The following TCEANC2 variants were observed in gnomAD, a reference collection of about 807,000 sequenced individuals.
TCEANC2 encodes transcription elongation factor A N-terminal and central domain-containing protein 2.
A neutral mutation model predicts 22.8 loss-of-function variants in TCEANC2; 20 were observed. The observed-to-expected ratio is 0.88, with a 90% CI of 0.62 to 1.28. The LOEUF is 1.28. TCEANC2 is among the 50% of genes most tolerant of loss of function. The pLI, the probability that TCEANC2 is intolerant of heterozygous loss-of-function variation, is 0.00. For missense variants in TCEANC2, 251 were observed against 249.7 expected (o/e 1.01, Z -0.03); for synonymous variants, 84 against 95.5 (o/e 0.88, Z 0.70).
intron 3 of TCEANC2, among the ~76,000 whole-genome samples, chr1:54,075,245 T>G (rs1390560128): frequency 6.6e-6 from 1 of 152,224 alleles, no homozygotes; most frequent in African/African-American, 2.4e-5. Context: ...TAATAATGAT[T>G]GACGTGAAAA....
chr1:54,087,794 C>T (rs996162998), intron 3 of TCEANC2, among the ~76,000 whole-genome samples: 5 of 152,186 alleles, frequency 3.3e-5, no homozygotes, highest in African/African-American at 1.2e-4. Flanking sequence ...AAATCACTGA[C>T]TGTGGAAGAA....
intron 4 of TCEANC2, among the ~76,000 whole-genome samples, chr1:54,093,146 A>G (rs7528941): frequency 0.085 from 13,017 of 152,266 alleles, 1,284 homozygotes; most frequent in African/African-American, 0.24. Flanking sequence ...CGTGAGAGAT[A>G]CAGAGAAAGG....
At chr1:54,095,067 C>T (rs1338666324) in intron 4 of TCEANC2, among the ~76,000 whole-genome samples, 1 of 152,164 alleles carries the variant, frequency 6.6e-6, no homozygotes, top group Non-Finnish European at 1.5e-5. Flanking sequence ...ATCACTTGAG[C>T]CCATGAGTTT....
At chr1:54,094,394 G>A (rs563083571) in intron 4 of TCEANC2, among the ~76,000 whole-genome samples, 15 of 152,230 alleles carry the variant, frequency 9.9e-5, no homozygotes, top group African/African-American at 3.6e-4. Context: ...TTGCACAGAA[G>A]AACAAACATA....
At chr1:54,095,112 T>A (rs1480566887) in intron 4 of TCEANC2, among the ~76,000 whole-genome samples, 9 of 152,190 alleles carry the variant, frequency 5.9e-5, no homozygotes, top group Non-Finnish European at 1.2e-4. Flanking sequence ...ACCACTGCAC[T>A]CCAGCCCAGG....
rs145978716 is a variant in TCEANC2, at chr1:54,071,371, T to C, written c.244+2474T>C. 4.9e-3 allele frequency among the ~76,000 whole-genome samples: 741 copies of C among 152,310 alleles called. 10 individuals carry two copies. Among genetic ancestry groups the C allele is most frequent in the Non-Finnish European group, 3.5e-3 (238 of 68,032 alleles). ...AAGCTGCTGGCTGGGGTTGCAGTCA[T>C]CTGAAGGCTGGACCAGGGCTTAAGG... On this transcript the variant is annotated intron_variant, in intron 3 of 4. Transcript: ENST00000234827.
Position 54,096,711 on chromosome 1 carries a change from GGAA to G in TCEANC2, c.*240_*242del. On this transcript the variant is annotated 3_prime_UTR_variant, in exon 5 of 5. Transcript: ENST00000234827. This position sits in a 1 kb window ranked among gnomAD's most constrained non-coding sequence, Gnocchi z 4.9. ...ACAGAACGCACACTGGCTGTCACTAGGAAGCGCCATACGGTTGCTATCACCCAA... is the reference window on the plus strand; with the variant it reads ...ACAGAACGCACACTGGCTGTCACTAGGCGCCATACGGTTGCTATCACCCAA... The G allele has an allele frequency of 8.1e-7, 1 of 1,228,860 alleles. No homozygotes were observed. Among genetic ancestry groups the G allele is most frequent in the Non-Finnish European group, 1.0e-6 (1 of 969,560 alleles). 76.1% of individuals were successfully genotyped at this position (1,228,860 alleles called of 1,614,324 possible). A position where few individuals can be genotyped will look rare whatever the true frequency, so the allele number is the denominator to read the frequency against.
chr1:54,067,605 C>G (rs1657982205), intron 2 of TCEANC2, among the ~76,000 whole-genome samples: 1 of 152,138 alleles, frequency 6.6e-6, no homozygotes, highest in Non-Finnish European at 1.5e-5. Context: ...GAAACCAAAC[C>G]AAACAAGTGG....
In TCEANC2 at chr1:54,100,525, T is replaced by C. The variant is rs1026989635; in HGVS notation, c.*4052T>C. ...TTGAGAAGATGGGGAAAGGAATGAA[T>C]AACACCACTCAGAGGAAGAATCTTC... On this transcript the variant is annotated 3_prime_UTR_variant, in exon 5 of 5. Coordinates refer to ENST00000234827, the MANE Select transcript of TCEANC2 (RefSeq NM_153035.3). 2 of 152,216 alleles carry C rather than the reference T, an allele frequency of 1.3e-5. No individual in the cohort carries two copies. Among genetic ancestry groups the C allele is most frequent in the African/African-American group, 4.8e-5 (2 of 41,448 alleles). 9.4% of individuals were successfully genotyped at this position (152,216 alleles called of 1,614,324 possible). A position where few individuals can be genotyped will look rare whatever the true frequency, so the allele number is the denominator to read the frequency against.
At chr1:54,058,602 C>G (rs948969746) in intron 2 of TCEANC2, among the ~76,000 whole-genome samples, 4 of 152,146 alleles carry the variant, frequency 2.6e-5, no homozygotes, top group African/African-American at 9.7e-5. Flanking sequence ...TACCTTGTAG[C>G]CCCTGCTTTA....
In TCEANC2 at chr1:54,097,584, A is replaced by C. The variant is rs1342775547; in HGVS notation, c.*1111A>C. 6.6e-6 allele frequency: 1 copy of C among 152,250 alleles called. No homozygotes were observed. Among genetic ancestry groups the C allele is most frequent in the Non-Finnish European group, 1.5e-5 (1 of 68,042 alleles). The allele number at this position is 152,250 out of a possible 1,614,324, so 9.4% of individuals were successfully genotyped here. A position where few individuals can be genotyped will look rare whatever the true frequency, so the allele number is the denominator to read the frequency against. ...GACTAACATTATTGCCTACCTTCTA[A>C]ATACTAGGCACTTTTCCTAAGACAG... On this transcript the variant is annotated 3_prime_UTR_variant, in exon 5 of 5. Coordinates refer to ENST00000234827, the MANE Select transcript of TCEANC2 (RefSeq NM_153035.3).
chr1:54,086,201 C>T (rs1430414277), intron 3 of TCEANC2, among the ~76,000 whole-genome samples: 1 of 152,134 alleles, frequency 6.6e-6, no homozygotes, highest in Non-Finnish European at 1.5e-5. Flanking sequence ...TCTCCTGCCA[C>T]GATGCTCACT....
intron 3 of TCEANC2, among the ~76,000 whole-genome samples, chr1:54,087,697 C>T (rs898655022): frequency 6.6e-6 from 1 of 152,156 alleles, no homozygotes; most frequent in Non-Finnish European, 1.5e-5. Flanking sequence ...GTAGTTTGTA[C>T]TCAAGAGATT....
At chr1:54,054,057 A>G in intron 1 of TCEANC2, 2 of 321,242 alleles carry the variant, frequency 6.2e-6, no homozygotes, top group Non-Finnish European at 1.1e-5. Flanking sequence ...TTCACAGCCC[A>G]ATCTTATTTG....
intron 2 of TCEANC2, among the ~76,000 whole-genome samples, chr1:54,058,320 C>G (rs1657790570): frequency 6.6e-6 from 1 of 152,334 alleles, no homozygotes; most frequent in South Asian, 2.1e-4. Context: ...TCTAATCACT[C>G]CCTTCTCTGA....
chr1:54,083,025 A>C (rs998145542), intron 3 of TCEANC2, among the ~76,000 whole-genome samples: 1 of 152,120 alleles, frequency 6.6e-6, no homozygotes, highest in South Asian at 2.1e-4. Flanking sequence ...AGGAAGAGTA[A>C]AAGATAGAGG....
intron 3 of TCEANC2, among the ~76,000 whole-genome samples, chr1:54,069,411 C>G (rs971742392): frequency 3.9e-5 from 6 of 152,038 alleles, no homozygotes; most frequent in African/African-American, 1.2e-4. Context: ...AGTCCAAGAC[C>G]AGCCAGGACA....
intron 1 of TCEANC2, 63 bp from the exon 2 acceptor site, chr1:54,054,318 T>C (rs768798244): frequency 1.3e-6 from 2 of 1,530,818 alleles, no homozygotes; most frequent in African/African-American, 1.4e-5. Context: ...TGTGTTACTT[T>C]GGGGAAAAAA....
At chr1:54,059,022 C>T (rs1454427914) in intron 2 of TCEANC2, among the ~76,000 whole-genome samples, 1 of 152,148 alleles carries the variant, frequency 6.6e-6, no homozygotes, top group Non-Finnish European at 1.5e-5. Context: ...TGATGCTTGT[C>T]CCTTTTCCTT....
Sources: gnomAD v4.1 joint callset for allele counts (sites outside exome capture counted in the v4.1 genomes callset) on GRCh38, gnomAD v4.1.1 for gene constraint, Gnocchi (gnomAD v3.1) non-coding constraint, MANE v1.5 for transcripts, NCBI Gene and HGNC (gene_info 2026-07-23, HGNC 2026-07-21) for gene names.